COL5A2: variants seen among roughly 807,000 people sequenced by gnomAD.
The protein encoded by COL5A2 is collagen type V alpha 2 chain, also known as collagen alpha-2(V) chain.
COL5A2 carries 23 observed loss-of-function variants against 208.2 expected under a neutral mutation model. The observed-to-expected ratio is 0.11, with a 90% CI of 0.08 to 0.16. COL5A2 has a LOEUF of 0.16. Among genes scored for constraint, COL5A2 ranks in the 10% least tolerant of loss-of-function variants. The pLI is 1.00. For missense variants in COL5A2, 1,590 were observed against 1,956.4 expected (o/e 0.81, Z 3.53); for synonymous variants, 625 against 628.5 (o/e 0.99, Z 0.08).
intron 1 of COL5A2, among the ~76,000 whole-genome samples, chr2:189,197,709 G>A (rs968485041): frequency 6.6e-6 from 1 of 151,890 alleles, no homozygotes; most frequent in African/African-American, 2.4e-5. Context: ...AGAAATTCCA[G>A]GGAAGAACAC....
chr2:189,371,493 A>G, the COL5A2 span, among the ~76,000 whole-genome samples: 2 of 152,206 alleles, frequency 1.3e-5, no homozygotes, highest in Admixed American at 6.5e-5. Context: ...AGAAATATAG[A>G]CAGTGGAGGC....
At chr2:189,315,488 CAAAAGCTAG>C in the COL5A2 span, among the ~76,000 whole-genome samples, 2 of 152,252 alleles carry the variant, frequency 1.3e-5, no homozygotes, top group African/African-American at 4.8e-5. Flanking sequence ...ACTGAATGGG[CAAAAGCTAG>C]AAGCATTCCT....
At chr2:189,249,760 G>A in the COL5A2 span, among the ~76,000 whole-genome samples, 1 of 151,066 alleles carries the variant, frequency 6.6e-6, no homozygotes, top group African/African-American at 2.4e-5. Context: ...GCAGTGGTGT[G>A]ATCTCGGCTC....
At chr2:189,308,447 C>T in the COL5A2 span, among the ~76,000 whole-genome samples, 3 of 150,892 alleles carry the variant, frequency 2.0e-5, no homozygotes, top group African/African-American at 4.8e-5. Flanking sequence ...TACATTTCTT[C>T]GACATATTTT....
At chr2:189,246,109 A>C in the COL5A2 span, among the ~76,000 whole-genome samples, 1 of 152,226 alleles carries the variant, frequency 6.6e-6, no homozygotes, top group African/African-American at 2.4e-5. Context: ...TCTGAAAAAA[A>C]ACATATATTT....
At position 189,052,732 on chromosome 2, in the gene COL5A2, G is replaced by C. The variant is rs376823922; in HGVS notation, c.2715+17C>G. On this transcript the variant is annotated intron_variant, in intron 40 of 53. Coordinates refer to ENST00000374866, the MANE Select transcript of COL5A2 (RefSeq NM_000393.5). ...GAATTAGCTGTGCATACTTTGCAGA[G>C]CATCAAATAAACTTACAGGCGGACC... The C allele has an allele frequency of 6.8e-6, 11 of 1,612,956 alleles. No homozygotes were observed. The African/African-American group carries it at 1.3e-4, about 20-fold the overall frequency.
chr2:189,339,171 C>T, the COL5A2 span, among the ~76,000 whole-genome samples: 733 of 152,050 alleles, frequency 4.8e-3, 3 homozygotes, highest in South Asian at 0.012. Flanking sequence ...GCCAACATGG[C>T]GAAATCTCGT....
chr2:189,220,568 A>G (rs186341120), intron 1 of COL5A2, among the ~76,000 whole-genome samples: 60 of 152,226 alleles, frequency 3.9e-4, no homozygotes, highest in Middle Eastern at 3.4e-3. Context: ...TTAGTCTCTG[A>G]TTTTTTTAAA....
chr2:189,435,504 A>C, the COL5A2 span, among the ~76,000 whole-genome samples: 11 of 152,200 alleles, frequency 7.2e-5, no homozygotes, highest in African/African-American at 2.7e-4. Flanking sequence ...ACCCCATCAA[A>C]AAGTGGGCAA....
In COL5A2 at chr2:189,100,150, A is replaced by G; in HGVS notation, c.337-11T>C. 3 of 1,609,724 alleles carry G rather than the reference A, an allele frequency of 1.9e-6. No individual in the cohort carries two copies. Among genetic ancestry groups the G allele is most frequent in the Non-Finnish European group, 2.6e-6 (3 of 1,176,282 alleles). ...TTCTCCCTTTTGTCCCTGTGACATT[A>G]AAAACAATTCAAAAATTCAATTAGC... is the stretch of plus-strand genomic sequence containing the variant. On this transcript the variant is annotated splice_polypyrimidine_tract_variant and intron_variant, in intron 3 of 53. Coordinates refer to ENST00000374866, the MANE Select transcript of COL5A2 (RefSeq NM_000393.5).
intron 1 of COL5A2, among the ~76,000 whole-genome samples, chr2:189,130,600 G>T (rs762926144): frequency 6.6e-6 from 1 of 151,894 alleles, no homozygotes; most frequent in Non-Finnish European, 1.5e-5. Flanking sequence ...AAAGGGAAAT[G>T]AGGAAATAAA....
In COL5A2 at chr2:189,060,856, C is replaced by A; in HGVS notation, c.2032-73G>T. 2 of 1,079,772 alleles carry A rather than the reference C, an allele frequency of 1.9e-6. 1 individual carries two copies. The highest frequency in any genetic ancestry group is 2.9e-6 in the Non-Finnish European group (2 of 695,446). 66.9% of individuals were successfully genotyped at this position (1,079,772 alleles called of 1,614,324 possible). ...CAGGCTACCAGTGTTAACAGTTTACCTTTTACAATTCATGGGGTCTCCAAG... is the reference window on the plus strand; with the variant it reads ...CAGGCTACCAGTGTTAACAGTTTACATTTTACAATTCATGGGGTCTCCAAG... On this transcript the variant is annotated intron_variant, in intron 30 of 53. Coordinates refer to ENST00000374866, the MANE Select transcript of COL5A2 (RefSeq NM_000393.5).
At chr2:189,182,469 AC>A (rs1458553594), upstream of COL5A2, among the ~76,000 whole-genome samples, 4 of 151,840 alleles carry the variant, frequency 2.6e-5, no homozygotes, top group Admixed American at 6.6e-5. Context: ...GAATGTTCTC[AC>A]CCCTTTTTAG....
the COL5A2 span, among the ~76,000 whole-genome samples, chr2:189,253,069 A>G: frequency 1.3e-5 from 2 of 152,200 alleles, no homozygotes; most frequent in Admixed American, 1.3e-4. Context: ...TGTAGGATGA[A>G]TTTGAAGAGA....
the COL5A2 span, among the ~76,000 whole-genome samples, chr2:189,275,457 C>CT: frequency 0.23 from 31,807 of 139,862 alleles, 3,754 homozygotes; most frequent in South Asian, 0.26. Context: ...TCTTTCTTTC[C>CT]TTTTTTTTTT....
chr2:189,104,336 CTAAA>C, intron 2 of COL5A2, 59 bp from the exon 3 acceptor site: 1 of 1,139,066 alleles, frequency 8.8e-7, no homozygotes, highest in African/African-American at 1.5e-5. Flanking sequence ...TGAGAATCTG[CTAAA>C]TATTTACTTT....
chr2:189,065,570 T>A (rs1056098375), intron 23 of COL5A2, among the ~76,000 whole-genome samples: 1 of 151,980 alleles, frequency 6.6e-6, no homozygotes, highest in Non-Finnish European at 1.5e-5. Flanking sequence ...CAAGGAAATA[T>A]TCTAACGATT....
chr2:189,399,908 C>T, the COL5A2 span, among the ~76,000 whole-genome samples: 1 of 151,946 alleles, frequency 6.6e-6, no homozygotes, highest in East Asian at 1.9e-4. Flanking sequence ...ATTATGTTGC[C>T]CAGGCTATTC....
the COL5A2 span, among the ~76,000 whole-genome samples, chr2:189,379,586 G>C: frequency 2.0e-5 from 3 of 152,158 alleles, no homozygotes; most frequent in African/African-American, 4.8e-5. Flanking sequence ...AGACATGTTA[G>C]TGGAGTGTTT....
Sources: gnomAD v4.1 joint callset for allele counts (sites outside exome capture counted in the v4.1 genomes callset) on GRCh38, gnomAD v4.1.1 for gene constraint, MANE v1.5 for transcripts, NCBI Gene and HGNC (gene_info 2026-07-23, HGNC 2026-07-21) for gene names.